The following DLGAP1 variants were observed in gnomAD, a reference collection of about 807,000 sequenced individuals.
DLGAP1 encodes DLG associated protein 1.
DLGAP1 carries 11 observed loss-of-function variants against 90.8 expected under a neutral mutation model. The observed-to-expected ratio is 0.12, with a 90% CI of 0.08 to 0.20. The LOEUF is 0.20. DLGAP1 is among the 10% of genes least tolerant of loss of function. The pLI is 1.00. For missense variants in DLGAP1, 1,050 were observed against 1,333.8 expected, an observed-to-expected ratio of 0.79 and a Z score of 3.31; for synonymous variants, 558 against 540.7, an observed-to-expected ratio of 1.03 and a Z score of -0.44.
At chr18:3,563,840 G>A (rs1033774467) in intron 9 of DLGAP1, among the ~76,000 whole-genome samples, 2 of 152,090 alleles carry the variant, frequency 1.3e-5, no homozygotes, top group East Asian at 1.9e-4. Context: ...ATATCCTCAA[G>A]TTTAGACATT....
intron 1 of DLGAP1, among the ~76,000 whole-genome samples, chr18:4,318,215 A>ACTTTT (rs1396424673): frequency 6.6e-6 from 1 of 152,228 alleles, no homozygotes; most frequent in Non-Finnish European, 1.5e-5. Context: ...AATGGCTCAA[A>ACTTTT]TACTTCCCAG....
chr18:3,682,277 G>T (rs540872334), intron 7 of DLGAP1, among the ~76,000 whole-genome samples: 3 of 152,206 alleles, frequency 2.0e-5, no homozygotes, highest in South Asian at 2.1e-4. Flanking sequence ...CATCATGATT[G>T]TAAGTTTCCT....
Position 3,496,152 on chromosome 18 carries a change from A to C in DLGAP1, c.*3033T>G, listed in dbSNP as rs1277811694. 1 of 152,236 alleles carries C rather than the reference A, an allele frequency of 6.6e-6. No individual in the cohort carries two copies. The highest frequency in any genetic ancestry group is 1.5e-5 in the Non-Finnish European group (1 of 68,040). 9.4% of individuals were successfully genotyped at this position (152,236 alleles called of 1,614,324 possible). On this transcript the variant is annotated 3_prime_UTR_variant, in exon 13 of 13. Transcript: ENST00000315677. ...AAATAAGCCTATGAAATTCCAATTC[A>C]TAAAGCCATAAAAATGTTCCCACCC...
intron 5 of DLGAP1, among the ~76,000 whole-genome samples, chr18:3,793,514 T>G (rs777335803): frequency 1.5e-4 from 23 of 151,942 alleles, no homozygotes; most frequent in Non-Finnish European, 2.8e-4. Flanking sequence ...AATTTCTTCT[T>G]GATAGAGCAG....
chr18:4,324,574 A>C (rs2080773040), intron 1 of DLGAP1, among the ~76,000 whole-genome samples: 1 of 151,850 alleles, frequency 6.6e-6, no homozygotes, highest in African/African-American at 2.4e-5. Flanking sequence ...CAACAAAAAC[A>C]CTTCAGGCAA....
intron 7 of DLGAP1, among the ~76,000 whole-genome samples, chr18:3,695,973 G>C (rs2061078079): frequency 1.3e-5 from 2 of 152,190 alleles, no homozygotes; most frequent in Admixed American, 6.5e-5. Context: ...TTGTGAATGA[G>C]AGTTCACTCA....
At chr18:3,568,780 A>C (rs1015126686) in intron 8 of DLGAP1, among the ~76,000 whole-genome samples, 1 of 151,570 alleles carries the variant, frequency 6.6e-6, no homozygotes, top group South Asian at 2.1e-4. Flanking sequence ...TCCGCCTCCC[A>C]GGTTCACACC....
chr18:3,500,745 C>G (rs1405762466), intron 12 of DLGAP1, among the ~76,000 whole-genome samples: 3 of 152,120 alleles, frequency 2.0e-5, no homozygotes, highest in Non-Finnish European at 4.4e-5. Flanking sequence ...TAATGATTTA[C>G]TATGTAAATA....
chr18:4,320,850 A>G (rs1256342414), intron 1 of DLGAP1, among the ~76,000 whole-genome samples: 1 of 152,188 alleles, frequency 6.6e-6, no homozygotes, highest in Admixed American at 6.5e-5. Flanking sequence ...AAATTACCAA[A>G]GGCCAATAGT....
intron 4 of DLGAP1, chr18:3,874,607 C>T (rs1440920171): frequency 6.5e-7 from 1 of 1,531,910 alleles, no homozygotes; most frequent in Non-Finnish European, 8.7e-7. Flanking sequence ...AACTATTAAG[C>T]ACTTACCCTG....
At chr18:4,029,173 A>G (rs1342042366) in intron 2 of DLGAP1, among the ~76,000 whole-genome samples, 1 of 152,176 alleles carries the variant, frequency 6.6e-6, no homozygotes, top group African/African-American at 2.4e-5. Context: ...TCCATGTTGC[A>G]AATGACAAGA....
intron 7 of DLGAP1, among the ~76,000 whole-genome samples, chr18:3,695,632 A>G (rs2061066260): frequency 6.6e-6 from 1 of 152,174 alleles, no homozygotes; most frequent in South Asian, 2.1e-4. Flanking sequence ...GAAGTCAGGT[A>G]GTGTGATGCC....
At chr18:4,399,135 G>A (rs978043665) in intron 1 of DLGAP1, among the ~76,000 whole-genome samples, 7 of 152,164 alleles carry the variant, frequency 4.6e-5, no homozygotes, top group East Asian at 1.9e-4. Flanking sequence ...AGGCCTAGAC[G>A]GACCCATTTT....
At chr18:4,337,198 T>TC (rs959096206) in intron 1 of DLGAP1, among the ~76,000 whole-genome samples, 10 of 147,418 alleles carry the variant, frequency 6.8e-5, no homozygotes, top group African/African-American at 2.2e-4. Flanking sequence ...GTTGGCTTTT[T>TC]TTTTTTTTTT....
chr18:3,585,127 C>T (rs1398483674), intron 7 of DLGAP1, among the ~76,000 whole-genome samples: 2 of 152,182 alleles, frequency 1.3e-5, no homozygotes, highest in Non-Finnish European at 2.9e-5. Context: ...ATGCACCTGA[C>T]AGGAAATACG....
intron 3 of DLGAP1, among the ~76,000 whole-genome samples, chr18:3,881,918 GAACA>G (rs34857331): frequency 1.2e-4 from 19 of 152,150 alleles, no homozygotes; most frequent in Non-Finnish European, 2.4e-4. Flanking sequence ...GTCTGTCTCA[GAACA>G]AACAAACAAA....
chr18:3,753,476 C>T (rs2063585943), intron 5 of DLGAP1, among the ~76,000 whole-genome samples: 1 of 152,166 alleles, frequency 6.6e-6, no homozygotes. Flanking sequence ...AGCCCTATCC[C>T]CAGGCTGTTA....
intron 1 of DLGAP1, among the ~76,000 whole-genome samples, chr18:4,397,112 C>A (rs2144493901): frequency 6.6e-6 from 1 of 152,098 alleles, no homozygotes; most frequent in East Asian, 1.9e-4. Context: ...GTCAAACAGG[C>A]ATGATAAAGT....
Position 4,342,306 on chromosome 18 carries a change from T to G in DLGAP1, c.-267+112700A>C, listed in dbSNP as rs552975141. On this transcript the variant is annotated intron_variant, in intron 1 of 12. Transcript: ENST00000315677. The surrounding 1 kb of genome is among the most constrained non-coding windows in gnomAD (Gnocchi z 5.8). ...GGCGAGGATTTTTTATATTAGATGT[T>G]ACTTGTATTTTTGAACTATAAAATA... 6.6e-6 allele frequency among the ~76,000 whole-genome samples: 1 copy of G among 152,278 alleles called. No homozygotes were observed. Among genetic ancestry groups the G allele is most frequent in the African/African-American group, 2.4e-5 (1 of 41,558 alleles).
Sources: gnomAD v4.1 joint callset for allele counts (sites outside exome capture counted in the v4.1 genomes callset) on GRCh38, gnomAD v4.1.1 for gene constraint, Gnocchi (gnomAD v3.1) non-coding constraint, MANE v1.5 for transcripts, NCBI Gene and HGNC (gene_info 2026-07-23, HGNC 2026-07-21) for gene names.